Variants in ADCY8 observed in about 807,000 individuals in gnomAD.
ADCY8 encodes adenylate cyclase 8.
A neutral mutation model predicts 119.7 loss-of-function variants in ADCY8; 51 were observed. That is an observed-to-expected ratio of 0.43 (90% CI 0.34 to 0.54). The LOEUF is 0.54. ADCY8 is among the 20% of genes least tolerant of loss of function. ADCY8 has a pLI of 0.03. For missense variants in ADCY8, 1,383 were observed against 1,598.8 expected (o/e 0.87, Z 2.30); for synonymous variants, 665 against 651.0 (o/e 1.02, Z -0.33).
intron 3 of ADCY8, among the ~76,000 whole-genome samples, chr8:130,944,503 G>A (rs1381575705): frequency 6.6e-6 from 1 of 152,200 alleles, no homozygotes; most frequent in East Asian, 1.9e-4. Flanking sequence ...GTGTAATTTA[G>A]TTTTAATGAA....
chr8:130,964,312 T>C (rs541919356), intron 2 of ADCY8, among the ~76,000 whole-genome samples: 13 of 152,334 alleles, frequency 8.5e-5, no homozygotes, highest in Non-Finnish European at 1.9e-4. Flanking sequence ...GGTTCCCAGA[T>C]GGTAAACAGA....
chr8:130,858,900 ATG>A (rs139305903), intron 9 of ADCY8, among the ~76,000 whole-genome samples: 108 of 148,538 alleles, frequency 7.3e-4, no homozygotes, highest in Admixed American at 1.1e-3. Context: ...TATCATGTAT[ATG>A]TGTGTGTGTG....
intron 5 of ADCY8, among the ~76,000 whole-genome samples, chr8:130,923,912 T>A (rs1003426290): frequency 1.3e-5 from 2 of 152,238 alleles, no homozygotes; most frequent in Non-Finnish European, 2.9e-5. Context: ...TTAGGGCTTA[T>A]TATCTTGTTA....
chr8:130,803,564 C>T (rs938149728), intron 14 of ADCY8, among the ~76,000 whole-genome samples: 1 of 152,224 alleles, frequency 6.6e-6, no homozygotes, highest in Admixed American at 6.5e-5. Flanking sequence ...ACTTCCTGAC[C>T]TTCGTAGGAA....
chr8:130,891,505 A>G (rs1819186322), intron 7 of ADCY8, among the ~76,000 whole-genome samples: 1 of 152,204 alleles, frequency 6.6e-6, no homozygotes, highest in Non-Finnish European at 1.5e-5. Context: ...AGATTAACCT[A>G]GTTAATATAC....
intron 1 of ADCY8, among the ~76,000 whole-genome samples, chr8:130,993,455 A>G (rs1358982975): frequency 6.6e-6 from 1 of 152,230 alleles, no homozygotes; most frequent in Non-Finnish European, 1.5e-5. Context: ...ATGATTAACA[A>G]CCGTGAAATG....
intron 9 of ADCY8, among the ~76,000 whole-genome samples, chr8:130,854,585 C>A (rs1396001266): frequency 6.6e-6 from 1 of 152,184 alleles, no homozygotes; most frequent in Non-Finnish European, 1.5e-5. Flanking sequence ...GAAAGATATT[C>A]TAAGCCCTTT....
chr8:130,865,981 T>A (rs145686775), intron 9 of ADCY8, among the ~76,000 whole-genome samples: 83 of 152,284 alleles, frequency 5.5e-4, no homozygotes, highest in Middle Eastern at 3.4e-3. Context: ...AGTGCATATC[T>A]GTTGGCTGTA....
rs192469102 is a variant in ADCY8 at position 130,800,432 on chromosome 8, G to A, written c.3054C>T (p.Phe1018=). 160 of 1,613,890 alleles carry A rather than the reference G, an allele frequency of 9.9e-5. 1 individual carries two copies. Among genetic ancestry groups the A allele is most frequent in the Non-Finnish European group, 1.3e-4 (151 of 1,180,008 alleles). ...GTCTCAGGCTTAGATTTACCTCATC[G>A]AAGTCAGCAATGATCTCATTGAGCA... ...LRLLNEIIAD[F]DELLGEDRFQ... The change falls in exon 15 of 18, where the codon TTC becomes TTT. Residue 1018 remains phenylalanine, a synonymous_variant. Coordinates refer to ENST00000286355, the MANE Select transcript of ADCY8 (RefSeq NM_001115.3).
intron 5 of ADCY8, among the ~76,000 whole-genome samples, chr8:130,923,548 A>G (rs1820378303): frequency 6.6e-6 from 1 of 152,172 alleles, no homozygotes; most frequent in African/African-American, 2.4e-5. Context: ...AAGCTCTGCA[A>G]TTTTCATTAA....
chr8:130,943,844 C>T (rs1400690298), intron 3 of ADCY8, among the ~76,000 whole-genome samples: 2 of 152,170 alleles, frequency 1.3e-5, no homozygotes, highest in East Asian at 1.9e-4. Flanking sequence ...GCAATGAACA[C>T]AGAGTAAAAT....
chr8:130,846,888 T>TTCCTTCCTTCCTTCC (rs56726941), intron 11 of ADCY8, among the ~76,000 whole-genome samples: 4 of 19,832 alleles, frequency 2.0e-4, no homozygotes, highest in South Asian at 7.8e-3. Flanking sequence ...TTCCCTTCCC[T>TTCCTTCCTTCCTTCC]TTCCTTCCTT....
chr8:130,880,848 G>A (rs1818744027), intron 8 of ADCY8, among the ~76,000 whole-genome samples: 1 of 152,122 alleles, frequency 6.6e-6, no homozygotes, highest in Admixed American at 6.5e-5. Flanking sequence ...CAGGACATAT[G>A]GCCACCATGA....
At chr8:130,879,487 T>C (rs958547148) in intron 8 of ADCY8, among the ~76,000 whole-genome samples, 6 of 152,198 alleles carry the variant, frequency 3.9e-5, no homozygotes, top group African/African-American at 1.4e-4. Context: ...TTTTTACTTC[T>C]TACCAAATTG....
intron 5 of ADCY8, among the ~76,000 whole-genome samples, chr8:130,928,478 T>C (rs865926462): frequency 1.6e-4 from 25 of 152,334 alleles, no homozygotes; most frequent in African/African-American, 5.8e-4. Context: ...ATTTTCATCA[T>C]GAAAGGATGT....
intron 12 of ADCY8, among the ~76,000 whole-genome samples, chr8:130,825,080 G>A (rs948434278): frequency 1.3e-5 from 2 of 152,084 alleles, no homozygotes; most frequent in Admixed American, 1.3e-4. Context: ...TGTAACAATT[G>A]TACATATTTA....
intron 1 of ADCY8, among the ~76,000 whole-genome samples, chr8:130,995,818 ATAT>A (rs1212396250): frequency 6.6e-6 from 1 of 152,106 alleles, no homozygotes; most frequent in African/African-American, 2.4e-5. Flanking sequence ...TTGTAATTAT[ATAT>A]TATTTGCTTG....
intron 2 of ADCY8, among the ~76,000 whole-genome samples, chr8:130,981,140 G>A (rs1022891945): frequency 1.3e-5 from 2 of 152,164 alleles, no homozygotes; most frequent in African/African-American, 4.8e-5. Flanking sequence ...TTCAAATGAG[G>A]TGTGGGCAAG....
At chr8:130,866,081 C>A (rs577343901) in intron 9 of ADCY8, among the ~76,000 whole-genome samples, 2 of 152,176 alleles carry the variant, frequency 1.3e-5, no homozygotes, top group Non-Finnish European at 2.9e-5. Flanking sequence ...GATTTTGGGG[C>A]TATTGGGGGA....
Sources: allele counts gnomAD v4.1 joint callset (sites outside exome capture counted in the v4.1 genomes callset), GRCh38; gene constraint gnomAD v4.1.1; transcripts MANE v1.5; gene names NCBI Gene and HGNC (gene_info 2026-07-23, HGNC 2026-07-21).